Variants in MYO1D observed in about 807,000 individuals in gnomAD.
The protein encoded by MYO1D is myosin ID.
A neutral mutation model predicts 122.0 loss-of-function variants in MYO1D; 83 were observed. The ratio of observed to expected loss-of-function variants is 0.68; its 90% confidence interval spans 0.57 to 0.82. The LOEUF is 0.82. Ranked by LOEUF, MYO1D falls within the 40% of genes least tolerant of loss-of-function variation. The pLI is 0.00. For synonymous variants in MYO1D, 464 were observed against 446.9 expected (o/e 1.04, Z -0.48); for missense variants, 1,157 against 1,269.5 (o/e 0.91, Z 1.35).
chr17:32,840,923 C>T (rs1418560690), intron 1 of MYO1D, among the ~76,000 whole-genome samples: 1 of 152,150 alleles, frequency 6.6e-6, no homozygotes, highest in Non-Finnish European at 1.5e-5. Context: ...AAAGACCATA[C>T]TTCAAGTACC....
At chr17:32,706,984 C>G (rs1268303346) in intron 16 of MYO1D, among the ~76,000 whole-genome samples, 1 of 152,208 alleles carries the variant, frequency 6.6e-6, no homozygotes, top group African/African-American at 2.4e-5. Context: ...GTGTGAGCCA[C>G]TGCGCCCAGC....
chr17:32,693,756 T>C (rs1484320889), intron 16 of MYO1D, among the ~76,000 whole-genome samples: 1 of 152,216 alleles, frequency 6.6e-6, no homozygotes, highest in South Asian at 2.1e-4. Context: ...TGGTTTCTTA[T>C]TGGCAGTGTC....
At chr17:32,559,720 A>G (rs2087100661) in intron 21 of MYO1D, among the ~76,000 whole-genome samples, 1 of 152,198 alleles carries the variant, frequency 6.6e-6, no homozygotes, top group African/African-American at 2.4e-5. Context: ...GCACTTTGTT[A>G]CCATTATCTT....
At chr17:32,772,645 C>T (rs563287471) in intron 5 of MYO1D, 144 bp downstream of exon 5, 63 of 621,654 alleles carry the variant, frequency 1.0e-4, no homozygotes, top group Admixed American at 1.4e-4. Context: ...GCATGTGGTG[C>T]GTGCGTGCGT....
intron 1 of MYO1D, among the ~76,000 whole-genome samples, chr17:32,822,649 G>C (rs1377232432): frequency 6.7e-6 from 1 of 149,154 alleles, no homozygotes; most frequent in African/African-American, 2.4e-5. Flanking sequence ...GTGGCCGCGC[G>C]GGCCCCGGTG....
At chr17:32,713,428 G>C (rs1261506470) in intron 15 of MYO1D, among the ~76,000 whole-genome samples, 1 of 152,112 alleles carries the variant, frequency 6.6e-6, no homozygotes, top group Non-Finnish European at 1.5e-5. Flanking sequence ...TTTAATTATA[G>C]AGGATACAAG....
intron 1 of MYO1D, among the ~76,000 whole-genome samples, chr17:32,832,534 G>A (rs1327034557): frequency 1.3e-5 from 2 of 152,084 alleles, no homozygotes; most frequent in Non-Finnish European, 2.9e-5. Context: ...TCCTGACCTT[G>A]CGATCTGCCC....
At chr17:32,501,487 C>T (rs375321038) in intron 21 of MYO1D, among the ~76,000 whole-genome samples, 1 of 152,162 alleles carries the variant, frequency 6.6e-6, no homozygotes, top group South Asian at 2.1e-4. Flanking sequence ...AATGGACAGG[C>T]CTTGGTGGGT....
intron 1 of MYO1D, among the ~76,000 whole-genome samples, chr17:32,800,205 T>C (rs2090449247): frequency 6.6e-6 from 1 of 152,142 alleles, no homozygotes; most frequent in Non-Finnish European, 1.5e-5. Context: ...CCCAAAGGAA[T>C]TAAAATCACT....
At chr17:32,806,577 A>C (rs904232425) in intron 1 of MYO1D, among the ~76,000 whole-genome samples, 2 of 152,112 alleles carry the variant, frequency 1.3e-5, no homozygotes, top group Admixed American at 6.5e-5. Context: ...AGGTCTCACT[A>C]TGTTACCCAG....
At chr17:32,741,078 T>A (rs2089766607) in intron 13 of MYO1D, among the ~76,000 whole-genome samples, 1 of 151,736 alleles carries the variant, frequency 6.6e-6, no homozygotes, top group Non-Finnish European at 1.5e-5. Flanking sequence ...AATATAATTA[T>A]ATTGCTGGGT....
intron 1 of MYO1D, among the ~76,000 whole-genome samples, chr17:32,814,836 G>C (rs1444919545): frequency 6.6e-6 from 1 of 152,214 alleles, no homozygotes; most frequent in Admixed American, 6.5e-5. Context: ...TGTGGGGAGG[G>C]AGTAGGCCTT....
At position 32,659,357 on chromosome 17, in the gene MYO1D, A is replaced by G. The variant is rs2088524683; in HGVS notation, c.2122-19T>C. ...GCCACACCTTCACAATAGAGAAAGA[A>G]AAAGGAAAACGTTATTGACCGGCTG... On this transcript the variant is annotated intron_variant, in intron 16 of 21. Transcript: ENST00000318217. 8 of 1,611,754 alleles carry G rather than the reference A, an allele frequency of 5.0e-6. No individual in the cohort carries two copies. In the East Asian group the frequency reaches 1.8e-4, roughly 36 times the overall value.
chr17:32,720,928 T>C, intron 15 of MYO1D, 95 bp downstream of exon 15: 3 of 1,265,548 alleles, frequency 2.4e-6, no homozygotes, highest in Non-Finnish European at 2.1e-6. Context: ...CCAACAAATA[T>C]TTATAGATTG....
chr17:32,821,381 CTAAAA>C (rs1598127209), intron 1 of MYO1D, among the ~76,000 whole-genome samples: 1 of 152,078 alleles, frequency 6.6e-6, no homozygotes, highest in African/African-American at 2.4e-5. Context: ...AATCAACAAA[CTAAAA>C]TAAAGAAATG....
intron 16 of MYO1D, among the ~76,000 whole-genome samples, chr17:32,665,875 T>C (rs893558042): frequency 7.9e-5 from 12 of 152,152 alleles, no homozygotes; most frequent in African/African-American, 2.9e-4. Flanking sequence ...ATGAAGTGTT[T>C]TCTCTTTCCT....
At chr17:32,676,161 T>C (rs972516735) in intron 16 of MYO1D, among the ~76,000 whole-genome samples, 1 of 152,224 alleles carries the variant, frequency 6.6e-6, no homozygotes, top group African/African-American at 2.4e-5. Context: ...ATTGCTGTTG[T>C]AATCCCTTTG....
intron 12 of MYO1D, among the ~76,000 whole-genome samples, chr17:32,748,361 T>C (rs1021295311): frequency 6.6e-6 from 1 of 152,072 alleles, no homozygotes; most frequent in African/African-American, 2.4e-5. Flanking sequence ...CTTGGAAAGC[T>C]TTCTCTTTTC....
At chr17:32,619,376 C>T (rs2087824575) in intron 20 of MYO1D, among the ~76,000 whole-genome samples, 1 of 152,184 alleles carries the variant, frequency 6.6e-6, no homozygotes, top group Admixed American at 6.5e-5. Flanking sequence ...AGAAGGCGCT[C>T]CTTTGGAAAG....
Sources: gnomAD v4.1 joint callset for allele counts (sites outside exome capture counted in the v4.1 genomes callset) on GRCh38, gnomAD v4.1.1 for gene constraint, MANE v1.5 for transcripts, NCBI Gene and HGNC (gene_info 2026-07-23, HGNC 2026-07-21) for gene names.